LGALS8: variants seen among roughly 807,000 people sequenced by gnomAD.
LGALS8 encodes galectin 8.
LGALS8 carries 30 observed loss-of-function variants against 35.9 expected under a neutral mutation model. The ratio of observed to expected loss-of-function variants is 0.83; its 90% CI spans 0.62 to 1.13. The LOEUF (loss-of-function observed/expected upper bound fraction) is 1.13, where lower values mean the gene tolerates loss of function less well. Ranked by LOEUF, LGALS8 falls within the 50% of genes most tolerant of loss-of-function variation. The pLI is 0.00. For missense variants in LGALS8, 366 were observed against 388.7 expected, an observed-to-expected ratio of 0.94 and a Z score of 0.49; for synonymous variants, 138 against 136.1, an observed-to-expected ratio of 1.01 and a Z score of -0.10.
chr1:236,550,829 C>T lies in LGALS8; in HGVS notation c.*2668C>T, dbSNP rs1305117589. 3 of 1,183,926 alleles carry T rather than the reference C, an allele frequency of 2.5e-6. No homozygotes were observed. The African/African-American group carries it at 4.6e-5, about 18-fold the overall frequency. The allele number at this position is 1,183,926 out of a possible 1,614,324, so 73.3% of individuals were successfully genotyped here. On this transcript the variant is annotated 3_prime_UTR_variant, in exon 10 of 10. Coordinates refer to ENST00000366584, the MANE Select transcript of LGALS8 (RefSeq NM_201544.4). ...TTAAGGCACCAAAAGTAACATGGCA[C>T]CCAACACCCAAAAATAAAAATATGA...
At chr1:236,547,475 A>C (rs928904468) in intron 9 of LGALS8, among the ~76,000 whole-genome samples, 1 of 152,154 alleles carries the variant, frequency 6.6e-6, no homozygotes, top group Non-Finnish European at 1.5e-5. Context: ...GCAGCTGTAA[A>C]AACCCTAGCA....
chr1:236,528,253 C>T (rs1224284052), intron 2 of LGALS8, among the ~76,000 whole-genome samples: 1 of 151,512 alleles, frequency 6.6e-6, no homozygotes, highest in Non-Finnish European at 1.5e-5. Context: ...GTGATGGCAG[C>T]CTCCTGTAAT....
chr1:236,536,828 G>A (rs1423453439), intron 2 of LGALS8: 1 of 152,060 alleles, frequency 6.6e-6, no homozygotes, highest in Admixed American at 6.5e-5. Context: ...GAAAAGGAAT[G>A]AGTAGACATG....
Position 236,551,908 on chromosome 1 carries a change from C to A in LGALS8, c.*3747C>A. Reference sequence around the variant, plus strand: ...GGATCAACTGCTAGTCACGTTATATCCAAATCTGCATTATCATTGGGCACA... The same window carrying A: ...GGATCAACTGCTAGTCACGTTATATACAAATCTGCATTATCATTGGGCACA... On this transcript the variant is annotated 3_prime_UTR_variant, in exon 10 of 10. Transcript: ENST00000366584. 1.2e-6 allele frequency: 1 copy of A among 850,712 alleles called. No homozygotes were observed. Among genetic ancestry groups the A allele is most frequent in the Non-Finnish European group, 2.0e-6 (1 of 511,830 alleles). 52.7% of individuals were successfully genotyped at this position (850,712 alleles called of 1,614,324 possible). A position where few individuals can be genotyped will look rare whatever the true frequency, so the allele number is the denominator to read the frequency against.
upstream of LGALS8, among the ~76,000 whole-genome samples, chr1:236,518,858 T>C (rs1660474467): frequency 6.6e-6 from 1 of 152,162 alleles, no homozygotes; most frequent in Admixed American, 6.5e-5. Context: ...CCAAAAATTT[T>C]ACAATCATGT....
upstream of LGALS8, among the ~76,000 whole-genome samples, chr1:236,518,752 T>C (rs1660471532): frequency 6.6e-6 from 1 of 152,190 alleles, no homozygotes; most frequent in Admixed American, 6.5e-5. Flanking sequence ...CTTGATACTC[T>C]TTTATCATAT....
At chr1:236,542,573 AC>A (rs1662071644) in intron 6 of LGALS8, 187 bp from the exon 7 acceptor site, 1 of 622,094 alleles carries the variant, frequency 1.6e-6, no homozygotes, top group South Asian at 1.9e-5. Flanking sequence ...TCTCTTCTCA[AC>A]CCGTGTAGCC....
Position 236,548,072 on chromosome 1 carries a change from G to T in LGALS8, c.865G>T (p.Glu289Ter). 6.2e-7 allele frequency: 1 copy of T among 1,613,522 alleles called. No homozygotes were observed. The highest frequency in any genetic ancestry group is 8.5e-7 in the Non-Finnish European group (1 of 1,179,430). The change falls in exon 10 of 10, where the codon GAG becomes TAG. Residue 289 changes from glutamate (E) to a stop codon, truncating the protein, a stop_gained. Coordinates refer to ENST00000366584, the MANE Select transcript of LGALS8 (RefSeq NM_201544.4). LOFTEE classifies it high-confidence loss of function. ...KVAVNGVHSL[E>*]YKHRFKELSS... ...TGCAGTAAATGGCGTACACAGCCTGGAGTACAAACACAGATTTAAAGAGCT... is the reference window on the plus strand; with the variant it reads ...TGCAGTAAATGGCGTACACAGCCTGTAGTACAAACACAGATTTAAAGAGCT...
Position 236,539,040 on chromosome 1 carries a change from G to C in LGALS8, c.296G>C (p.Arg99Thr), listed in dbSNP as rs1413541950. 1 of 1,614,050 alleles carries C rather than the reference G, an allele frequency of 6.2e-7. No homozygotes were observed. The highest frequency in any genetic ancestry group is 1.7e-5 in the Admixed American group (1 of 60,006). The change falls in exon 4 of 10, where the codon AGA (arginine) becomes ACA (threonine). Residue 99 changes from arginine (R) to threonine (T), a missense_variant. By Grantham distance (71) the Arg-to-Thr change is moderately conservative. Coordinates refer to ENST00000366584, the MANE Select transcript of LGALS8 (RefSeq NM_201544.4). ...EEITYDTPFK[R>T]EKSFEIVIMV... ...ATCACCTATGACACGCCTTTCAAAA[G>C]AGAAAAGTCTTTTGAGATCGTGATT...
At chr1:236,538,802 T>A in intron 3 of LGALS8, 77 bp from the exon 4 acceptor site, 2 of 963,884 alleles carry the variant, frequency 2.1e-6, no homozygotes, top group Non-Finnish European at 3.4e-6. Flanking sequence ...GGGCCTGGAG[T>A]GTAGTGCCTG....
In LGALS8 at chr1:236,549,362, A is replaced by G. The variant is rs1572025108; in HGVS notation, c.*1201A>G. On this transcript the variant is annotated 3_prime_UTR_variant, in exon 10 of 10. Transcript: ENST00000366584. Reference sequence around the variant, plus strand: ...TTTACAGGTCAGATCTTGTTACAGGAAATTTCAAAGGTTTGGGAGTGGGGA... The same window carrying G: ...TTTACAGGTCAGATCTTGTTACAGGGAATTTCAAAGGTTTGGGAGTGGGGA... 1 of 175,198 alleles carries G rather than the reference A, an allele frequency of 5.7e-6. No individual in the cohort carries two copies. The highest frequency in any genetic ancestry group is 2.3e-5 in the African/African-American group (1 of 42,652). The allele number at this position is 175,198 out of a possible 1,614,324, so 10.9% of individuals were successfully genotyped here.
intron 2 of LGALS8, among the ~76,000 whole-genome samples, chr1:236,537,080 G>C (rs1354196758): frequency 2.7e-5 from 4 of 149,074 alleles, no homozygotes; most frequent in Admixed American, 1.3e-4. Context: ...ATAGTGGCGC[G>C]ATCTCGGCTC....
At chr1:236,525,073 A>G (rs1355323571) in intron 1 of LGALS8, among the ~76,000 whole-genome samples, 2 of 152,170 alleles carry the variant, frequency 1.3e-5, no homozygotes, top group Admixed American at 1.3e-4. Flanking sequence ...CTTTTATCTT[A>G]AAAAATGTGG....
chr1:236,550,866 G>C lies in LGALS8; in HGVS notation c.*2705G>C. ...AAATAAAAATATGAAATATGAGTGTGAACTCTGAGTAGAGTATGAAACACC... is the reference window on the plus strand; with the variant it reads ...AAATAAAAATATGAAATATGAGTGTCAACTCTGAGTAGAGTATGAAACACC... On this transcript the variant is annotated 3_prime_UTR_variant, in exon 10 of 10. Coordinates refer to ENST00000366584, the MANE Select transcript of LGALS8 (RefSeq NM_201544.4). 1 of 1,480,856 alleles carries C rather than the reference G, an allele frequency of 6.8e-7. No individual in the cohort carries two copies. Among genetic ancestry groups the C allele is most frequent in the Non-Finnish European group, 9.2e-7 (1 of 1,087,742 alleles). The allele number at this position is 1,480,856 out of a possible 1,614,324, so 91.7% of individuals were successfully genotyped here.
At chr1:236,538,508 G>C (rs951793865) in intron 3 of LGALS8, among the ~76,000 whole-genome samples, 1 of 152,204 alleles carries the variant, frequency 6.6e-6, no homozygotes, top group Non-Finnish European at 1.5e-5. Flanking sequence ...TGGTGTTTGC[G>C]GGGAAACAGA....
chr1:236,547,014 A>G (rs1447593947), intron 9 of LGALS8, among the ~76,000 whole-genome samples: 1 of 25,188 alleles, frequency 4.0e-5, no homozygotes, highest in African/African-American at 9.2e-5. Context: ...CACTGCTCCT[A>G]TCAAAAGAAT....
chr1:236,548,251 GT>G lies in LGALS8; in HGVS notation c.*93del. ...AAACGCATCTCACTGTCATTCTATTGTTTATATTGTTAAAATGAGCTTGTGC... is the reference window on the plus strand; with the variant it reads ...AAACGCATCTCACTGTCATTCTATTGTTATATTGTTAAAATGAGCTTGTGC... On this transcript the variant is annotated 3_prime_UTR_variant, in exon 10 of 10. Transcript: ENST00000366584. The G allele has an allele frequency of 1.7e-6, 2 of 1,166,388 alleles. No homozygotes were observed. The highest frequency in any genetic ancestry group is 1.2e-6 in the Non-Finnish European group (1 of 816,044). 72.3% of individuals were successfully genotyped at this position (1,166,388 alleles called of 1,614,324 possible). A position where few individuals can be genotyped will look rare whatever the true frequency, so the allele number is the denominator to read the frequency against.
intron 9 of LGALS8, among the ~76,000 whole-genome samples, chr1:236,546,138 C>T (rs1266213609): frequency 2.0e-5 from 3 of 152,238 alleles, no homozygotes; most frequent in Non-Finnish European, 2.9e-5. Context: ...CCTCCAACTT[C>T]ATAATTCAAA....
intron 8 of LGALS8, among the ~76,000 whole-genome samples, chr1:236,544,352 G>A (rs1307022712): frequency 2.0e-5 from 3 of 151,910 alleles, no homozygotes; most frequent in African/African-American, 7.3e-5. Flanking sequence ...CTTGAAATTA[G>A]AGCTATTTCC....
Sources: gnomAD v4.1 joint callset for allele counts (sites outside exome capture counted in the v4.1 genomes callset) on GRCh38, gnomAD v4.1.1 for gene constraint, MANE v1.5 for transcripts, NCBI Gene and HGNC (gene_info 2026-07-23, HGNC 2026-07-21) for gene names.